CACNA1A: variants seen among roughly 807,000 people sequenced by gnomAD.
CACNA1A encodes calcium voltage-gated channel subunit alpha1 A, also known as voltage-dependent P/Q-type calcium channel subunit alpha-1A.
In CACNA1A, 57 loss-of-function variants were observed where a neutral mutation model predicts 262.4. The ratio of observed to expected loss-of-function variants is 0.22; its 90% confidence interval spans 0.18 to 0.27. The LOEUF (loss-of-function observed/expected upper bound fraction) is 0.27. CACNA1A is among the 10% of genes least tolerant of loss of function. The pLI, the probability that CACNA1A is intolerant of heterozygous loss-of-function variation, is 1.00. For synonymous variants in CACNA1A, 1,431 were observed against 1,419.3 expected (o/e 1.01, Z -0.18); for missense variants, 2,526 against 3,562.8 (o/e 0.71, Z 7.41).
intron 3 of CACNA1A, 158 bp downstream of exon 3, chr19:13,452,718 A>G: frequency 1.5e-6 from 1 of 651,238 alleles, no homozygotes; most frequent in Non-Finnish European, 2.7e-6. Context: ...CAGCTGAGAC[A>G]TGGAGGTGGG....
At chr19:13,378,800 T>G (rs1183214569) in intron 3 of CACNA1A, among the ~76,000 whole-genome samples, 3 of 151,724 alleles carry the variant, frequency 2.0e-5, no homozygotes, top group African/African-American at 7.3e-5. Flanking sequence ...CCCGAGTAGC[T>G]GGGCTTATAG....
In CACNA1A at chr19:13,210,311, C is replaced by T. The variant is rs565269395; in HGVS notation, c.6339+306G>A. 2.2e-3 allele frequency among the ~76,000 whole-genome samples: 337 copies of T among 152,214 alleles called. 1 individual carries two copies. The highest frequency in any genetic ancestry group is 8.0e-3 in the African/African-American group (333 of 41,526). ...TTGGTGGTGGTGTCAGGAGAAGAAG[C>T]CCCCCAGAAAGAGGTGCAGAGTGGG... On this transcript the variant is annotated intron_variant, in intron 44 of 46. Transcript: ENST00000360228.
chr19:13,461,575 C>T (rs536496226), intron 1 of CACNA1A, among the ~76,000 whole-genome samples: 13 of 152,308 alleles, frequency 8.5e-5, no homozygotes, highest in Admixed American at 4.6e-4. Context: ...AGAGATGCCT[C>T]GCCCGAGGCA....
At chr19:13,386,443 C>A (rs936262391) in intron 3 of CACNA1A, among the ~76,000 whole-genome samples, 1 of 152,066 alleles carries the variant, frequency 6.6e-6, no homozygotes. Flanking sequence ...CTTCTTTGGC[C>A]GGATGCTTTT....
At chr19:13,261,647 G>A in intron 25 of CACNA1A, 37 bp from the exon 26 acceptor site, 1 of 1,591,834 alleles carries the variant, frequency 6.3e-7, no homozygotes, top group South Asian at 1.1e-5. Flanking sequence ...TGAGGGGCTG[G>A]GGACCTGCCC....
intron 6 of CACNA1A, among the ~76,000 whole-genome samples, chr19:13,346,151 C>T (rs945945619): frequency 2.0e-5 from 3 of 152,176 alleles, no homozygotes; most frequent in African/African-American, 7.2e-5. Flanking sequence ...ATCCACCCGC[C>T]TTGGCCTCCC....
chr19:13,384,719 C>T, intron 3 of CACNA1A, among the ~76,000 whole-genome samples: 1 of 152,104 alleles, frequency 6.6e-6, no homozygotes, highest in East Asian at 1.9e-4. Context: ...CCCCCAAAAA[C>T]AATAGCAACA....
chr19:13,367,294 CAAAAAAAA>C (rs71168702), intron 4 of CACNA1A, among the ~76,000 whole-genome samples: 68 of 64,766 alleles, frequency 1.0e-3, no homozygotes, highest in Middle Eastern at 8.6e-3. Flanking sequence ...GACTCTGTCT[CAAAAAAAA>C]AAAAAAAAAA....
rs779718122 is a variant in CACNA1A, at chr19:13,207,361, C to G, written c.7473G>C (p.Arg2491Ser). 3 of 1,555,750 alleles carry G rather than the reference C, an allele frequency of 1.9e-6. No individual in the cohort carries two copies. The highest frequency in any genetic ancestry group is 1.4e-5 in the African/African-American group (1 of 73,394). ...GLARPRGPGS[R>S]KGLHEPYSES... Reference sequence around the variant, plus strand: ...CGCTGTAGGGTTCGTGCAGGCCCTTCCTGGAGCCCGGCCCGCGGGGCCTGG... The same window carrying G: ...CGCTGTAGGGTTCGTGCAGGCCCTTGCTGGAGCCCGGCCCGCGGGGCCTGG... Residue 2491 changes from arginine (R) to serine (S), a missense_variant, in exon 47 of 47, where the codon AGG becomes AGC. Coordinates refer to ENST00000360228, the MANE Select transcript of CACNA1A (RefSeq NM_001127222.2). The surrounding 1 kb of genome is among the most constrained non-coding windows in gnomAD (Gnocchi z 5.7).
intron 30 of CACNA1A, among the ~76,000 whole-genome samples, chr19:13,248,541 C>T (rs1296607822): frequency 1.3e-5 from 2 of 151,412 alleles, no homozygotes; most frequent in African/African-American, 2.4e-5. Flanking sequence ...AGAAGATCAA[C>T]TCAGAATAAA....
intron 37 of CACNA1A, 79 bp downstream of exon 37, chr19:13,227,352 T>G (rs1600120622): frequency 3.3e-6 from 2 of 597,122 alleles, no homozygotes; most frequent in African/African-American, 2.4e-5. Flanking sequence ...GTGTTTCTGG[T>G]CAGCACTAAA....
chr19:13,246,174 A>G (rs1274252364), intron 30 of CACNA1A, among the ~76,000 whole-genome samples: 23 of 152,224 alleles, frequency 1.5e-4, no homozygotes, highest in Admixed American at 1.5e-3. Flanking sequence ...GGCTATGGGC[A>G]AGTGGCTTAA....
chr19:13,474,435 C>A (rs2145050706), intron 1 of CACNA1A, among the ~76,000 whole-genome samples: 1 of 152,234 alleles, frequency 6.6e-6, no homozygotes, highest in South Asian at 2.1e-4. Context: ...GGTTCTAGAA[C>A]CTGATTATAA....
intron 1 of CACNA1A, among the ~76,000 whole-genome samples, chr19:13,495,191 A>G (rs1389765828): frequency 1.3e-5 from 2 of 152,244 alleles, no homozygotes; most frequent in Non-Finnish European, 2.9e-5. Flanking sequence ...ATACTTATGC[A>G]TGATATAGTG....
chr19:13,360,265 G>GTATATATATATATAATATATATATATATA (rs2059081204), intron 5 of CACNA1A, among the ~76,000 whole-genome samples: 1 of 124,202 alleles, frequency 8.1e-6, no homozygotes, highest in East Asian at 2.8e-4. Context: ...GTGTGTGTGT[G>GTATATATATATATAATATATATATATATA]TATATATATA....
At chr19:13,235,406 G>A in intron 32 of CACNA1A, 132 bp from the exon 33 acceptor site, 1 of 918,912 alleles carries the variant, frequency 1.1e-6, no homozygotes. Context: ...TTCCAGGGCT[G>A]GTGGGCATCT....
At position 13,404,501 on chromosome 19, in the gene CACNA1A, G is replaced by A. The variant is rs186385723; in HGVS notation, c.540-32722C>T. Among the ~76,000 whole-genome samples the A allele has an allele frequency of 7.2e-5, 11 of 152,308 alleles. No homozygotes were observed. In the East Asian group the frequency reaches 1.7e-3, roughly 24 times the overall value. On this transcript the variant is annotated intron_variant, in intron 3 of 46. Transcript: ENST00000360228. ...GTGTGTGTTAAGAGGCGTGCCATCA[G>A]GAAGGCATCCTCTCCCGAGAAAGCT...
Position 13,304,020 on chromosome 19 carries a change from G to C in CACNA1A, c.1987-136C>G. The C allele has an allele frequency of 6.1e-6, 4 of 653,788 alleles. No individual in the cohort carries two copies. The South Asian group carries it at 7.5e-5, about 12-fold the overall frequency. The allele number at this position is 653,788 out of a possible 1,614,324, so 40.5% of individuals were successfully genotyped here. On this transcript the variant is annotated intron_variant, in intron 15 of 46. Transcript: ENST00000360228. Reference sequence around the variant, plus strand: ...CTTTAACAATCCTGCCCGGTTTGCAGAGCCAGACTCCGTGTTGGCTTCTCC... The same window carrying C: ...CTTTAACAATCCTGCCCGGTTTGCACAGCCAGACTCCGTGTTGGCTTCTCC...
At chr19:13,474,811 C>T (rs920614106) in intron 1 of CACNA1A, among the ~76,000 whole-genome samples, 9 of 137,236 alleles carry the variant, frequency 6.6e-5, no homozygotes, top group East Asian at 6.9e-4. Context: ...AGGGAGACTC[C>T]GTCTCAAAAA....
Sources: gnomAD v4.1 joint callset for allele counts (sites outside exome capture counted in the v4.1 genomes callset) on GRCh38, gnomAD v4.1.1 for gene constraint, Gnocchi (gnomAD v3.1) non-coding constraint, MANE v1.5 for transcripts, NCBI Gene and HGNC (gene_info 2026-07-23, HGNC 2026-07-21) for gene names.